The following NBAS variants were observed in gnomAD, a reference collection of about 807,000 sequenced individuals.
The protein encoded by NBAS is NAG/BC035112 fusion.
In NBAS, 219 loss-of-function variants were observed where a neutral mutation model predicts 302.5. The observed-to-expected ratio is 0.72, with a 90% CI of 0.65 to 0.81. The LOEUF is 0.81. NBAS is among the 30% of genes least tolerant of loss of function. NBAS has a pLI of 0.00. For synonymous variants in NBAS, 1,118 were observed against 1,021.6 expected (o/e 1.09, Z -1.80); for missense variants, 2,932 against 2,841.6 (o/e 1.03, Z -0.72).
intron 34 of NBAS, among the ~76,000 whole-genome samples, chr2:15,353,062 T>C (rs1673443168): frequency 6.6e-6 from 1 of 152,144 alleles, no homozygotes; most frequent in Non-Finnish European, 1.5e-5. Flanking sequence ...ACTCTCCTCA[T>C]ACATTTAACA....
the NBAS span, among the ~76,000 whole-genome samples, chr2:15,126,774 A>G: frequency 1.3e-5 from 2 of 152,220 alleles, no homozygotes; most frequent in Non-Finnish European, 2.9e-5. Context: ...GCTATGAAAC[A>G]CTAAGATTTA....
the NBAS span, among the ~76,000 whole-genome samples, chr2:14,870,815 C>A: frequency 1.3e-5 from 2 of 151,908 alleles, no homozygotes; most frequent in Non-Finnish European, 2.9e-5. Context: ...CCCAAAATTA[C>A]ACAGATAACA....
chr2:15,303,385 T>C (rs1407633844), intron 40 of NBAS, among the ~76,000 whole-genome samples: 1 of 152,270 alleles, frequency 6.6e-6, no homozygotes, highest in East Asian at 1.9e-4. Flanking sequence ...ACTCTAACGC[T>C]GAATTGATAA....
chr2:15,556,838 G>A lies in NBAS; in HGVS notation c.173-19C>T, dbSNP rs1664669242. ...AAACGATCTGTAATCAAAAGAAATG[G>A]CAAAGCCAAATATAAATCAGCTGTT... On this transcript the variant is annotated intron_variant, in intron 2 of 51. Transcript: ENST00000281513. 1 of 1,595,886 alleles carries A rather than the reference G, an allele frequency of 6.3e-7. No individual in the cohort carries two copies. The highest frequency in any genetic ancestry group is 8.6e-7 in the Non-Finnish European group (1 of 1,164,116).
At chr2:14,815,208 C>G in the NBAS span, among the ~76,000 whole-genome samples, 1 of 152,090 alleles carries the variant, frequency 6.6e-6, no homozygotes, top group East Asian at 1.9e-4. Flanking sequence ...TTTTTCAGAT[C>G]AAAACAGGTT....
intron 21 of NBAS, among the ~76,000 whole-genome samples, chr2:15,435,605 C>A (rs1312844100): frequency 6.6e-6 from 1 of 152,178 alleles, no homozygotes; most frequent in Non-Finnish European, 1.5e-5. Context: ...TGAACCCAGG[C>A]AGTCCGGTTC....
the NBAS span, among the ~76,000 whole-genome samples, chr2:15,034,026 A>AGAAGAAGAAG: frequency 4.0e-5 from 2 of 50,078 alleles, no homozygotes; most frequent in Non-Finnish European, 7.2e-5. Flanking sequence ...AAGAAGAAGA[A>AGAAGAAGAAG]GAGGAGGAGG....
chr2:15,037,447 C>T, the NBAS span, among the ~76,000 whole-genome samples: 7 of 152,190 alleles, frequency 4.6e-5, no homozygotes, highest in East Asian at 5.8e-4. Flanking sequence ...CTACAACTGC[C>T]GACATGCTCA....
the NBAS span, among the ~76,000 whole-genome samples, chr2:14,851,635 A>G: frequency 1.7e-5 from 2 of 116,508 alleles, no homozygotes; most frequent in Admixed American, 1.6e-4. Context: ...CAAAAAAGAG[A>G]ATTTTAGACC....
chr2:15,068,284 G>A, the NBAS span, among the ~76,000 whole-genome samples: 1 of 152,178 alleles, frequency 6.6e-6, no homozygotes, highest in African/African-American at 2.4e-5. Context: ...TTTATGTGGG[G>A]GGAAACATCT....
intron 25 of NBAS, among the ~76,000 whole-genome samples, chr2:15,408,088 A>G (rs1042743341): frequency 6.6e-6 from 1 of 152,200 alleles, no homozygotes; most frequent in Non-Finnish European, 1.5e-5. Context: ...TTTGCCATCT[A>G]AAAGTCCTTA....
At chr2:15,103,412 T>C in the NBAS span, among the ~76,000 whole-genome samples, 42 of 152,188 alleles carry the variant, frequency 2.8e-4, no homozygotes, top group Non-Finnish European at 5.0e-4. Context: ...GATTCTGACA[T>C]ACATTAAAGT....
the NBAS span, among the ~76,000 whole-genome samples, chr2:14,866,357 C>G: frequency 6.6e-6 from 1 of 152,126 alleles, no homozygotes; most frequent in Admixed American, 6.6e-5. Context: ...TTTTTTCTCT[C>G]CAGCTGTCAG....
intron 29 of NBAS, among the ~76,000 whole-genome samples, chr2:15,382,966 G>A (rs1435528249): frequency 2.1e-4 from 32 of 152,146 alleles, no homozygotes; most frequent in Admixed American, 2.0e-3. Flanking sequence ...AGTGAGAAAA[G>A]TCAAGTACGA....
chr2:14,876,255 G>A, the NBAS span, among the ~76,000 whole-genome samples: 1 of 152,144 alleles, frequency 6.6e-6, no homozygotes, highest in African/African-American at 2.4e-5. Flanking sequence ...TTTCCTTTAA[G>A]TATCAAGTAT....
At chr2:15,543,660 C>CCGATAAAACCATCAGATCT (rs1663962789) in intron 6 of NBAS, among the ~76,000 whole-genome samples, 1 of 152,126 alleles carries the variant, frequency 6.6e-6, no homozygotes, top group African/African-American at 2.4e-5. Flanking sequence ...GCAGAAACCC[C>CCGATAAAACCATCAGATCT]CGATAAAACC....
chr2:14,896,920 A>G, the NBAS span, among the ~76,000 whole-genome samples: 34,240 of 151,966 alleles, frequency 0.23, 3,948 homozygotes, highest in Non-Finnish European at 0.25. Flanking sequence ...CCTGAATGCA[A>G]AAGAAGAGCC....
the NBAS span, among the ~76,000 whole-genome samples, chr2:14,960,554 G>C: frequency 6.6e-6 from 1 of 152,184 alleles, no homozygotes; most frequent in African/African-American, 2.4e-5. Flanking sequence ...CTAATGCCCA[G>C]AGTGTGTGTG....
At chr2:14,888,361 C>T in the NBAS span, among the ~76,000 whole-genome samples, 1 of 152,026 alleles carries the variant, frequency 6.6e-6, no homozygotes, top group Non-Finnish European at 1.5e-5. Flanking sequence ...GAACTCCAGA[C>T]CTCAAGTGAT....
Sources: allele counts gnomAD v4.1 joint callset (sites outside exome capture counted in the v4.1 genomes callset), GRCh38; gene constraint gnomAD v4.1.1; transcripts MANE v1.5; gene names NCBI Gene and HGNC (gene_info 2026-07-23, HGNC 2026-07-21).